SORCS3: variants seen among roughly 807,000 people sequenced by gnomAD.
SORCS3 encodes the protein sortilin related VPS10 domain containing receptor 3.
SORCS3 carries 57 observed loss-of-function variants against 146.3 expected under a neutral mutation model. That is an observed-to-expected ratio of 0.39 (90% CI 0.31 to 0.49). SORCS3 has a LOEUF of 0.49. Among genes scored for constraint, SORCS3 ranks in the 20% least tolerant of loss-of-function variants. The pLI, the probability that SORCS3 is intolerant of heterozygous loss-of-function variation, is 0.92. For missense variants in SORCS3, 1,341 were observed against 1,575.5 expected (o/e 0.85, Z 2.52); for synonymous variants, 653 against 618.5 (o/e 1.06, Z -0.83).
chr10:105,005,621 C>T (rs1589590374), intron 4 of SORCS3, among the ~76,000 whole-genome samples: 1 of 152,232 alleles, frequency 6.6e-6, no homozygotes, highest in East Asian at 1.9e-4. Context: ...ATTGGCTATT[C>T]CTTCCAGAAG....
At chr10:105,207,484 G>A (rs183175712) in intron 16 of SORCS3, among the ~76,000 whole-genome samples, 6 of 152,170 alleles carry the variant, frequency 3.9e-5, no homozygotes, top group South Asian at 2.1e-4. Flanking sequence ...TGCAGAATCC[G>A]CAGCAGTAGA....
At chr10:104,734,737 A>T (rs1036352318) in intron 1 of SORCS3, among the ~76,000 whole-genome samples, 1 of 152,224 alleles carries the variant, frequency 6.6e-6, no homozygotes, top group African/African-American at 2.4e-5. Flanking sequence ...GGGAGAGACC[A>T]TGTTTTGCAA....
chr10:105,162,543 G>A (rs2056274237), intron 11 of SORCS3, among the ~76,000 whole-genome samples: 6 of 152,120 alleles, frequency 3.9e-5, no homozygotes, highest in Admixed American at 3.9e-4. Flanking sequence ...CTCCTCCTGG[G>A]TACATCTTTT....
At chr10:104,772,216 G>T (rs2133484399) in intron 1 of SORCS3, among the ~76,000 whole-genome samples, 1 of 152,162 alleles carries the variant, frequency 6.6e-6, no homozygotes, top group South Asian at 2.1e-4. Flanking sequence ...GGGGACTGGT[G>T]GGGTGGTGGC....
intron 1 of SORCS3, among the ~76,000 whole-genome samples, chr10:104,670,878 C>G (rs371684360): frequency 0.018 from 2,764 of 151,976 alleles, 90 homozygotes; most frequent in African/African-American, 0.063. Flanking sequence ...ATTGACAACT[C>G]TTTTCTGTCC....
intron 2 of SORCS3, among the ~76,000 whole-genome samples, chr10:104,886,559 T>TATCTATCC (rs11271677): frequency 0.34 from 22,366 of 66,436 alleles, 2,197 homozygotes; most frequent in African/African-American, 0.41. Flanking sequence ...CTCTATCATC[T>TATCTATCC]ATCTATCTAT....
At chr10:104,643,162 G>GGT (rs2015448350) in intron 1 of SORCS3, among the ~76,000 whole-genome samples, 1 of 152,176 alleles carries the variant, frequency 6.6e-6, no homozygotes, top group South Asian at 2.1e-4. Flanking sequence ...GAGGATGACG[G>GGT]GTGTCTGTAC....
intron 2 of SORCS3, among the ~76,000 whole-genome samples, chr10:104,849,304 C>T (rs1410907379): frequency 5.4e-5 from 8 of 149,410 alleles, no homozygotes; most frequent in African/African-American, 1.2e-4. Context: ...CCCAGCTACT[C>T]GGGAGGCTGA....
At chr10:104,787,757 A>G (rs1467647992) in intron 1 of SORCS3, among the ~76,000 whole-genome samples, 1 of 152,218 alleles carries the variant, frequency 6.6e-6, no homozygotes, top group Non-Finnish European at 1.5e-5. Context: ...CCTCTTAAAA[A>G]ATACCCAGCC....
At chr10:105,223,981 T>C (rs971523937) in intron 20 of SORCS3, among the ~76,000 whole-genome samples, 8 of 152,188 alleles carry the variant, frequency 5.3e-5, no homozygotes, top group Admixed American at 2.6e-4. Context: ...GGTACAGAGA[T>C]TTTCCATATA....
intron 1 of SORCS3, among the ~76,000 whole-genome samples, chr10:104,692,887 G>A (rs1463465215): frequency 2.6e-5 from 4 of 152,166 alleles, no homozygotes; most frequent in African/African-American, 9.7e-5. Context: ...AGAATCATCT[G>A]GAAATCTGTT....
intron 23 of SORCS3, among the ~76,000 whole-genome samples, chr10:105,255,479 A>C (rs965102649): frequency 2.0e-5 from 3 of 152,178 alleles, no homozygotes; most frequent in African/African-American, 7.2e-5. Context: ...AAAACAGAAC[A>C]AAACAAAAAC....
chr10:105,169,127 A>T (rs2056338922), intron 13 of SORCS3, among the ~76,000 whole-genome samples: 1 of 152,154 alleles, frequency 6.6e-6, no homozygotes, highest in South Asian at 2.1e-4. Context: ...TCACCCACTT[A>T]TAATGGCATC....
intron 4 of SORCS3, among the ~76,000 whole-genome samples, chr10:104,979,705 A>C (rs2054921936): frequency 6.6e-6 from 1 of 152,218 alleles, no homozygotes; most frequent in Non-Finnish European, 1.5e-5. Flanking sequence ...GGACACCCAC[A>C]TGACATTTGC....
chr10:104,788,089 AT>A (rs1254357091), intron 1 of SORCS3, among the ~76,000 whole-genome samples: 8 of 152,130 alleles, frequency 5.3e-5, no homozygotes, highest in Admixed American at 3.9e-4. Context: ...CTTTTATTTA[AT>A]TTAATTTTGC....
intron 20 of SORCS3, among the ~76,000 whole-genome samples, chr10:105,224,727 C>T (rs1215725314): frequency 6.6e-6 from 1 of 152,180 alleles, no homozygotes. Flanking sequence ...GTTCTTGTTG[C>T]TCCACATACT....
chr10:105,056,071 G>T (rs957868376), intron 5 of SORCS3, among the ~76,000 whole-genome samples: 1 of 152,176 alleles, frequency 6.6e-6, no homozygotes, highest in African/African-American at 2.4e-5. Context: ...CCCAGAAAAG[G>T]GTTCCTGGAG....
intron 5 of SORCS3, among the ~76,000 whole-genome samples, chr10:105,082,178 C>T (rs367567266): frequency 1.4e-4 from 21 of 152,258 alleles, no homozygotes; most frequent in African/African-American, 4.6e-4. Context: ...GGGGAGGAGA[C>T]CAGATTGTTA....
intron 1 of SORCS3, among the ~76,000 whole-genome samples, chr10:104,741,705 T>TGG: frequency 1.4e-5 from 1 of 72,094 alleles, no homozygotes; most frequent in Non-Finnish European, 2.7e-5. Context: ...TCTGGGTTTT[T>TGG]TTTTTTTTTT....
Sources: allele counts gnomAD v4.1 joint callset (sites outside exome capture counted in the v4.1 genomes callset), GRCh38; gene constraint gnomAD v4.1.1; transcripts MANE v1.5; gene names NCBI Gene and HGNC (gene_info 2026-07-23, HGNC 2026-07-21).